The following PDE4A variants were observed in gnomAD, a reference collection of about 807,000 sequenced individuals.
PDE4A encodes the protein phosphodiesterase 4A, also known as 3',5'-cyclic-AMP phosphodiesterase 4A.
A neutral mutation model predicts 73.9 loss-of-function variants in PDE4A; 21 were observed. The observed-to-expected ratio is 0.28, with a 90% CI of 0.20 to 0.41. The LOEUF (loss-of-function observed/expected upper bound fraction) is 0.41, where lower values mean the gene tolerates loss of function less well. Ranked by LOEUF, PDE4A falls within the 10% of genes least tolerant of loss-of-function variation. The pLI, the probability that PDE4A is intolerant of heterozygous loss-of-function variation, is 1.00. For missense variants in PDE4A, 958 were observed against 1,211.4 expected (o/e 0.79, Z 3.10); for synonymous variants, 463 against 505.4 (o/e 0.92, Z 1.13).
chr19:10,460,621 C>T (rs1234102938), intron 10 of PDE4A, among the ~76,000 whole-genome samples: 1 of 148,210 alleles, frequency 6.7e-6, no homozygotes, highest in Non-Finnish European at 1.5e-5. Context: ...ATGGCGAAAC[C>T]CTGTCTCTAC....
intron 13 of PDE4A, 39 bp downstream of exon 13, chr19:10,462,038 C>A: frequency 6.4e-7 from 1 of 1,558,330 alleles, no homozygotes; most frequent in Non-Finnish European, 8.8e-7. Context: ...GGAGGACACT[C>A]CCCCAGCCAC....
upstream of PDE4A, among the ~76,000 whole-genome samples, chr19:10,419,749 A>C (rs191316325): frequency 1.3e-5 from 2 of 152,326 alleles, no homozygotes; most frequent in Non-Finnish European, 1.5e-5. Flanking sequence ...AATCGCGTGC[A>C]CAACTCCGCA....
At chr19:10,449,253 C>T in intron 4 of PDE4A, 103 bp downstream of exon 4, 1 of 1,258,058 alleles carries the variant, frequency 7.9e-7, no homozygotes, top group Non-Finnish European at 1.1e-6. Context: ...GGTGACCTCT[C>T]TGAACCTCTG....
chr19:10,417,526 T>G (rs1460967603), upstream of PDE4A: 1 of 1,430,280 alleles, frequency 7.0e-7, no homozygotes, highest in Admixed American at 2.7e-5. Flanking sequence ...GGTCAGCGAG[T>G]GGCTCACACG....
chr19:10,459,041 G>A (rs993608826), intron 8 of PDE4A: 12 of 208,778 alleles, frequency 5.7e-5, no homozygotes, highest in African/African-American at 4.9e-4. Flanking sequence ...AAGAGGCTGA[G>A]CTGTGCTGGG....
chr19:10,419,603 G>A (rs1198304282), upstream of PDE4A: 1 of 152,492 alleles, frequency 6.6e-6, no homozygotes, highest in East Asian at 1.9e-4. Context: ...TCTTCCTGGA[G>A]CCACAAGGGA....
upstream of PDE4A, chr19:10,420,424 G>A (rs2042633042): frequency 1.0e-6 from 1 of 960,040 alleles, no homozygotes; most frequent in Non-Finnish European, 1.2e-6. This position sits in a 1 kb window ranked among gnomAD's most constrained non-coding sequence, Gnocchi z 6.0. Context: ...GACGGAGGAG[G>A]AGGGGGGCGG....
chr19:10,418,447 C>T (rs896099871), upstream of PDE4A, among the ~76,000 whole-genome samples: 1 of 152,080 alleles, frequency 6.6e-6, no homozygotes, highest in Non-Finnish European at 1.5e-5. Flanking sequence ...TGGCTTCTGG[C>T]CGGCCCCTGC....
At chr19:10,442,943 A>T (rs1179470837) in intron 1 of PDE4A, among the ~76,000 whole-genome samples, 1 of 151,594 alleles carries the variant, frequency 6.6e-6, no homozygotes, top group Non-Finnish European at 1.5e-5. Flanking sequence ...GCAATATTGC[A>T]TATGCATGTG....
upstream of PDE4A, chr19:10,420,502 C>G (rs542350928): frequency 8.7e-6 from 8 of 916,296 alleles, no homozygotes; most frequent in Middle Eastern, 5.5e-4. The surrounding 1 kb of genome is among the most constrained non-coding windows in gnomAD (Gnocchi z 6.0). Context: ...GGGCTGGCGC[C>G]GAGCGGGCCG....
intron 6 of PDE4A, chr19:10,452,822 C>T (rs1158774369): frequency 9.6e-6 from 3 of 313,822 alleles, no homozygotes; most frequent in African/African-American, 4.5e-5. Context: ...GACAGCCCAC[C>T]TAGGTTCTGG....
intron 14 of PDE4A, 54 bp from the exon 15 acceptor site, chr19:10,466,833 G>A: frequency 6.4e-7 from 1 of 1,568,322 alleles, no homozygotes; most frequent in Non-Finnish European, 8.6e-7. Flanking sequence ...CCATAATGTG[G>A]TGGTATCATC....
At chr19:10,442,450 G>C (rs1345086937) in intron 1 of PDE4A, among the ~76,000 whole-genome samples, 1 of 152,116 alleles carries the variant, frequency 6.6e-6, no homozygotes, top group Non-Finnish European at 1.5e-5. Context: ...CTTGAACCCG[G>C]GAGGCAGAGG....
At chr19:10,457,567 C>G (rs1426873206) in intron 7 of PDE4A, among the ~76,000 whole-genome samples, 1 of 151,898 alleles carries the variant, frequency 6.6e-6, no homozygotes, top group Admixed American at 6.6e-5. Context: ...CCTGGGTGTT[C>G]GGGGTAGGCA....
chr19:10,433,757 C>T (rs888708875), intron 1 of PDE4A, among the ~76,000 whole-genome samples: 5 of 152,248 alleles, frequency 3.3e-5, no homozygotes, highest in African/African-American at 1.2e-4. Context: ...CCGCCTTCAA[C>T]CTCCATGTGA....
At chr19:10,417,860 C>A, upstream of PDE4A, 1 of 1,555,832 alleles carries the variant, frequency 6.4e-7, no homozygotes, top group Non-Finnish European at 8.6e-7. Flanking sequence ...GGGCCGAGAA[C>A]GACAGGTAGG....
Position 10,450,561 on chromosome 19 carries a change from G to T in PDE4A, c.621-42G>T, listed in dbSNP as rs777573302. ...GCGGGAGGCAGGGACCTGGTGGGGG[G>T]ACCCAGGCTGACATTGCAGCCCCAT... On this transcript the variant is annotated intron_variant, in intron 4 of 14. Transcript: ENST00000380702. The T allele has an allele frequency of 5.6e-5, 87 of 1,561,136 alleles. 1 individual carries two copies. In the Admixed American group the frequency reaches 1.7e-3, roughly 30 times the overall value.
intron 1 of PDE4A, chr19:10,429,000 G>A (rs2042752724): frequency 1.1e-5 from 5 of 448,678 alleles, no homozygotes; most frequent in Non-Finnish European, 1.5e-5. Context: ...AGCTACTTGG[G>A]AGGCTGAGGC....
Position 10,467,095 on chromosome 19 carries a change from C to A in PDE4A, c.2135C>A (p.Thr712Lys). 6.2e-7 allele frequency: 1 copy of A among 1,614,086 alleles called. No homozygotes were observed. Among genetic ancestry groups the A allele is most frequent in the Non-Finnish European group, 8.5e-7 (1 of 1,180,018 alleles). Residue 712 changes from threonine (T) to lysine (K), a missense_variant, in exon 15 of 15, where the codon ACG (threonine) becomes AAG (lysine). Coordinates refer to ENST00000380702, the MANE Select transcript of PDE4A (RefSeq NM_001111307.2). ...CCTGACAAGTTCCAGTTTGAGCTGA[C>A]GCTGGAGGAGGAAGAGGAGGAAGAA... Reference protein sequence around the residue: ...PLPDKFQFELTLEEEEEEEIS... With the variant: ...PLPDKFQFELKLEEEEEEEIS...
Sources: allele counts gnomAD v4.1 joint callset (sites outside exome capture counted in the v4.1 genomes callset), GRCh38; gene constraint gnomAD v4.1.1; non-coding constraint Gnocchi (gnomAD v3.1); transcripts MANE v1.5; gene names NCBI Gene and HGNC (gene_info 2026-07-23, HGNC 2026-07-21).